GARIN1A: variants seen among roughly 807,000 people sequenced by gnomAD.
GARIN1A encodes the protein Golgi-associated RAB2 interactor protein 1A.
the GARIN1A span, among the ~76,000 whole-genome samples, chr7:128,689,527 G>A: frequency 2.8e-5 from 4 of 142,240 alleles, no homozygotes; most frequent in South Asian, 2.2e-4. Context: ...CAGCCGCCCC[G>A]TCTGAGAAGT....
the GARIN1A span, among the ~76,000 whole-genome samples, chr7:128,688,471 T>TAAAG: frequency 6.6e-6 from 1 of 152,262 alleles, no homozygotes; most frequent in Non-Finnish European, 1.5e-5. Flanking sequence ...TAGTTCTTTC[T>TAAAG]GCTTCTTGGT....
chr7:128,687,842 T>A, the GARIN1A span: 1 of 152,220 alleles, frequency 6.6e-6, no homozygotes, highest in Non-Finnish European at 1.5e-5. Flanking sequence ...GGCTGTTTGC[T>A]GTTGGCAATA....
the GARIN1A span, among the ~76,000 whole-genome samples, chr7:128,705,539 T>C: frequency 2.0e-5 from 3 of 152,084 alleles, no homozygotes; most frequent in Non-Finnish European, 2.9e-5. Flanking sequence ...ATCCCAAGAT[T>C]GCATTGATAC....
the GARIN1A span, chr7:128,686,370 AG>A: frequency 6.6e-6 from 1 of 152,238 alleles, no homozygotes; most frequent in African/African-American, 2.4e-5. Context: ...ATTGAGAAGT[AG>A]ATCTTATTAT....
the GARIN1A span, among the ~76,000 whole-genome samples, chr7:128,707,507 C>T: frequency 6.6e-6 from 1 of 152,140 alleles, no homozygotes; most frequent in Admixed American, 6.5e-5. Context: ...CTCTGTCACC[C>T]AGGCTGGAGT....
chr7:128,691,745 C>T, the GARIN1A span: 1 of 152,302 alleles, frequency 6.6e-6, no homozygotes, highest in Non-Finnish European at 1.5e-5. Context: ...CTTCTTGTAC[C>T]AGGTCCAAGA....
the GARIN1A span, chr7:128,683,137 G>A: frequency 6.2e-7 from 1 of 1,611,314 alleles, no homozygotes; most frequent in East Asian, 2.2e-5. Context: ...AGTTACCTAG[G>A]AGAGCACTTC....
At chr7:128,705,419 T>A in the GARIN1A span, among the ~76,000 whole-genome samples, 1 of 152,180 alleles carries the variant, frequency 6.6e-6, no homozygotes, top group South Asian at 2.1e-4. Flanking sequence ...GATGGAGCCG[T>A]GCCGTTCTCA....
chr7:128,699,902 TA>T, the GARIN1A span, among the ~76,000 whole-genome samples: 5 of 152,220 alleles, frequency 3.3e-5, no homozygotes, highest in African/African-American at 1.2e-4. Flanking sequence ...TTTTGAGTTT[TA>T]TTTTTTTTTA....
At chr7:128,683,206 A>G in the GARIN1A span, 1 of 1,404,146 alleles carries the variant, frequency 7.1e-7, no homozygotes, top group South Asian at 1.4e-5. Context: ...ACTTGCTACC[A>G]CCTCTTATAA....
chr7:128,707,216 A>ATGTGTGTGTGTGTG, the GARIN1A span, among the ~76,000 whole-genome samples: 365 of 47,406 alleles, frequency 7.7e-3, 2 homozygotes, highest in African/African-American at 0.026. Context: ...TATTGTGTGT[A>ATGTGTGTGTGTGTG]TGTATGTGTG....
the GARIN1A span, chr7:128,685,893 A>G: frequency 6.6e-6 from 1 of 152,318 alleles, no homozygotes; most frequent in African/African-American, 2.4e-5. Flanking sequence ...TTAAGCCTTC[A>G]TCAGCCCTCA....
chr7:128,706,246 T>C, the GARIN1A span, among the ~76,000 whole-genome samples: 1 of 152,170 alleles, frequency 6.6e-6, no homozygotes, highest in Non-Finnish European at 1.5e-5. Flanking sequence ...CCTACTCTTA[T>C]CTTGTACTTT....
chr7:128,688,634 T>G, the GARIN1A span, among the ~76,000 whole-genome samples: 4 of 152,140 alleles, frequency 2.6e-5, no homozygotes, highest in Non-Finnish European at 5.9e-5. Flanking sequence ...CATGTAGAGT[T>G]GTGTGATCTT....
At chr7:128,675,698 A>C in the GARIN1A span, 4 of 1,613,634 alleles carry the variant, frequency 2.5e-6, no homozygotes, top group Non-Finnish European at 3.4e-6. Context: ...GGAACTGGAG[A>C]GATGTCTGTG....
At chr7:128,688,792 C>CTCCCT in the GARIN1A span, among the ~76,000 whole-genome samples, 11,666 of 68,190 alleles carry the variant, frequency 0.17, 1,918 homozygotes, top group East Asian at 0.45. Flanking sequence ...CCCCCTCCCC[C>CTCCCT]CTCCCTCTCC....
chr7:128,705,732 A>G, the GARIN1A span, among the ~76,000 whole-genome samples: 1 of 138,902 alleles, frequency 7.2e-6, no homozygotes, highest in Non-Finnish European at 1.5e-5. Context: ...TGGCATGATA[A>G]TAGCTCACTG....
At chr7:128,699,260 G>GACCC in the GARIN1A span, among the ~76,000 whole-genome samples, 1 of 105,014 alleles carries the variant, frequency 9.5e-6, no homozygotes, top group Admixed American at 9.4e-5. Flanking sequence ...CATACCTGCT[G>GACCC]CCCCCCCCCC....
chr7:128,678,518 T>C, the GARIN1A span, among the ~76,000 whole-genome samples: 2 of 152,178 alleles, frequency 1.3e-5, no homozygotes, highest in African/African-American at 4.8e-5. Flanking sequence ...TATGAGTGTC[T>C]GTAGTCTGGA....
Sources: gnomAD v4.1 joint callset for allele counts (sites outside exome capture counted in the v4.1 genomes callset) on GRCh38, gnomAD v4.1.1 for gene constraint, MANE v1.5 for transcripts, NCBI Gene and HGNC (gene_info 2026-07-23, HGNC 2026-07-21) for gene names.